The following SPTB variants were observed in gnomAD, a reference collection of about 807,000 sequenced individuals.
The protein encoded by SPTB is spectrin beta, erythrocytic, also known as spectrin beta chain, erythrocytic.
In SPTB, 45 loss-of-function variants were observed where a neutral mutation model predicts 256.2. That is an observed-to-expected ratio of 0.18 (90% CI 0.14 to 0.23). SPTB has a LOEUF of 0.23. SPTB is among the 10% of genes least tolerant of loss of function. The pLI is 1.00. For synonymous variants in SPTB, 1,231 were observed against 1,243.1 expected (o/e 0.99, Z 0.21); for missense variants, 2,715 against 3,040.4 (o/e 0.89, Z 2.52).
In SPTB at chr14:64,764,301, G is replaced by C. The variant is rs1168123459; in HGVS notation, c.6345+2425C>G. On this transcript the variant is annotated intron_variant, in intron 32 of 35. Coordinates refer to ENST00000644917, the MANE Select transcript of SPTB (RefSeq NM_001355436.2). The surrounding 1 kb of genome is among the most constrained non-coding windows in gnomAD (Gnocchi z 4.2). ...CTGTCCTCCTCTTTCTTGCATCGAA[G>C]GTGGATGGGGTATTAGGCCCTCCCT... 6.6e-6 allele frequency among the ~76,000 whole-genome samples: 1 copy of C among 152,234 alleles called. No individual in the cohort carries two copies. Among genetic ancestry groups the C allele is most frequent in the Non-Finnish European group, 1.5e-5 (1 of 68,034 alleles).
intron 24 of SPTB, 100 bp downstream of exon 24, chr14:64,774,297 A>T: frequency 1.4e-6 from 2 of 1,445,562 alleles, no homozygotes; most frequent in Non-Finnish European, 1.8e-6. Flanking sequence ...TGATGGGAAA[A>T]CTCTTTCCAT....
rs2082546286 is a variant in SPTB, at chr14:64,785,428, C to A, written c.3855+109G>T. 8 of 984,904 alleles carry A rather than the reference C, an allele frequency of 8.1e-6. No individual in the cohort carries two copies. Among genetic ancestry groups the A allele is most frequent in the Non-Finnish European group, 1.3e-5 (8 of 637,094 alleles). 61.0% of individuals were successfully genotyped at this position (984,904 alleles called of 1,614,324 possible). On this transcript the variant is annotated intron_variant, in intron 18 of 35. Coordinates refer to ENST00000644917, the MANE Select transcript of SPTB (RefSeq NM_001355436.2). The surrounding 1 kb of genome is among the most constrained non-coding windows in gnomAD (Gnocchi z 4.4). Reference sequence around the variant, plus strand: ...ACCCAGAGGTCCCCGCTCATGGAATCCCACAGCTCTTGAGCTAGAAAGGAT... The same window carrying A: ...ACCCAGAGGTCCCCGCTCATGGAATACCACAGCTCTTGAGCTAGAAAGGAT...
Position 64,749,745 on chromosome 14 carries a change from G to C in SPTB, c.6777-49C>G. ...TCATGGAGACACCTCTGGAGGGGGCGCTGGGCAGAGGGCTGGCTCTGATCC... is the reference window on the plus strand; with the variant it reads ...TCATGGAGACACCTCTGGAGGGGGCCCTGGGCAGAGGGCTGGCTCTGATCC... On this transcript the variant is annotated intron_variant, in intron 34 of 35. Transcript: ENST00000644917. This position sits in a 1 kb window ranked among gnomAD's most constrained non-coding sequence, Gnocchi z 4.7. 1 of 1,600,736 alleles carries C rather than the reference G, an allele frequency of 6.2e-7. No individual in the cohort carries two copies. The highest frequency in any genetic ancestry group is 8.5e-7 in the Non-Finnish European group (1 of 1,172,524).
chr14:64,803,103 C>A (rs954269878), intron 4 of SPTB, among the ~76,000 whole-genome samples: 1 of 152,124 alleles, frequency 6.6e-6, no homozygotes, highest in Non-Finnish European at 1.5e-5. Context: ...CCTCCTTGGG[C>A]AAGGTTCTTT....
rs150471537 is a variant in SPTB at position 64,784,333 on chromosome 14, G to A, written c.3916C>T (p.Arg1306Ter). Reference protein sequence around the residue: ...TSQDVSYDEARNLHNKWLKHQ... With the variant: ...TSQDVSYDEA ...TTTAGCCATTTATTGTGAAGGTTTC[G>A]TGCTTCATCATAGGAGACATCCTGA... The change falls in exon 19 of 36, where the codon CGA (arginine) becomes TGA (stop). Residue 1306 changes from arginine to a stop codon, truncating the protein, a stop_gained. Transcript: ENST00000644917. LOFTEE classifies it high-confidence loss of function. 1 of 1,614,234 alleles carries A rather than the reference G, an allele frequency of 6.2e-7. No individual in the cohort carries two copies. The highest frequency in any genetic ancestry group is 1.7e-5 in the Admixed American group (1 of 60,026).
chr14:64,795,247 G>A lies in SPTB; in HGVS notation c.1644+90C>T. 2.1e-6 allele frequency: 3 copies of A among 1,439,148 alleles called. No individual in the cohort carries two copies. The highest frequency in any genetic ancestry group is 2.9e-6 in the Non-Finnish European group (3 of 1,049,824). 89.1% of individuals were successfully genotyped at this position (1,439,148 alleles called of 1,614,324 possible). A position where few individuals can be genotyped will look rare whatever the true frequency, so the allele number is the denominator to read the frequency against. Reference sequence around the variant, plus strand: ...GACTCAGAGATATGACTGGCTGGGAGGTGTCTAAGGAAGCCTATGCTAACT... The same window carrying A: ...GACTCAGAGATATGACTGGCTGGGAAGTGTCTAAGGAAGCCTATGCTAACT... On this transcript the variant is annotated intron_variant, in intron 12 of 35. Coordinates refer to ENST00000644917, the MANE Select transcript of SPTB (RefSeq NM_001355436.2). This position sits in a 1 kb window ranked among gnomAD's most constrained non-coding sequence, Gnocchi z 6.5.
At chr14:64,846,771 A>G (rs916123714) in intron 1 of SPTB, among the ~76,000 whole-genome samples, 4 of 152,220 alleles carry the variant, frequency 2.6e-5, no homozygotes, top group Non-Finnish European at 4.4e-5. Context: ...GTCTAAATAT[A>G]TGTCAGAAAG....
At chr14:64,750,913 AAT>A (rs1033473499) in intron 33 of SPTB, among the ~76,000 whole-genome samples, 1 of 144,960 alleles carries the variant, frequency 6.9e-6, no homozygotes, top group African/African-American at 2.5e-5. Flanking sequence ...AAATATATAA[AAT>A]ATGTATATTA....
chr14:64,786,861 C>A lies in SPTB; in HGVS notation c.3104G>T (p.Arg1035Leu). 1 of 1,613,184 alleles carries A rather than the reference C, an allele frequency of 6.2e-7. No individual in the cohort carries two copies. The highest frequency in any genetic ancestry group is 8.5e-7 in the Non-Finnish European group (1 of 1,180,030). The change falls in exon 16 of 36, where the codon CGG becomes CTG. Residue 1035 changes from arginine (R) to leucine (L), a missense_variant. This residue lies in a region of SPTB where 2,239 missense variants were observed against 2,384.4 expected (regional missense o/e 0.94). Coordinates refer to ENST00000644917, the MANE Select transcript of SPTB (RefSeq NM_001355436.2). This position sits in a 1 kb window ranked among gnomAD's most constrained non-coding sequence, Gnocchi z 5.6. ...HPEQKEDIGQ[R>L]QKHLEELWQG... ...CCACAGCTCCTCCAAGTGTTTTTGC[C>A]GCTGACCAATATCCTCCTTCTGCTC...
intron 33 of SPTB, among the ~76,000 whole-genome samples, chr14:64,751,927 CA>C (rs374561563): frequency 0.022 from 1,613 of 71,846 alleles, 81 homozygotes; most frequent in African/African-American, 0.061. Flanking sequence ...ACTAAAAATG[CA>C]AAAAAAAAAA....
Position 64,796,653 on chromosome 14 carries a change from A to G in SPTB, c.1245T>C (p.Ile415=). ...CCAGTTGCTCTAGCTTCTCCTGCCG[A>G]ATGAGCTCATTTCTCAGGGCCAGCT... ...RRELALRNEL[I]RQEKLEQLAR... Residue 415 remains isoleucine (I), a synonymous_variant, in exon 11 of 36, where the codon ATT becomes ATC. Coordinates refer to ENST00000644917, the MANE Select transcript of SPTB (RefSeq NM_001355436.2). This position sits in a 1 kb window ranked among gnomAD's most constrained non-coding sequence, Gnocchi z 4.1. 2 of 1,614,166 alleles carry G rather than the reference A, an allele frequency of 1.2e-6. No homozygotes were observed. Among genetic ancestry groups the G allele is most frequent in the Non-Finnish European group, 1.7e-6 (2 of 1,180,024 alleles).
intron 20 of SPTB, among the ~76,000 whole-genome samples, chr14:64,780,370 C>G (rs980375302): frequency 6.6e-6 from 1 of 152,198 alleles, no homozygotes; most frequent in African/African-American, 2.4e-5. Context: ...AATGCTATTC[C>G]TATCAAACTA....
intron 9 of SPTB, among the ~76,000 whole-genome samples, chr14:64,799,366 C>T (rs2082837710): frequency 6.6e-6 from 1 of 152,238 alleles, no homozygotes; most frequent in African/African-American, 2.4e-5. Flanking sequence ...ATGCAGAGAG[C>T]TCAGGGGCTG....
rs572237215 is a variant in SPTB, at chr14:64,803,816, G to C, written c.301-36C>G. 4.4e-6 allele frequency: 7 copies of C among 1,573,684 alleles called. No individual in the cohort carries two copies. The Admixed American group carries it at 1.3e-4, about 29-fold the overall frequency. On this transcript the variant is annotated intron_variant, in intron 3 of 35. Coordinates refer to ENST00000644917, the MANE Select transcript of SPTB (RefSeq NM_001355436.2). The stretch of plus-strand genomic sequence containing the variant: ...GCAGTGGCCCCCGTGGGCATGGAGG[G>C]ACTGCACAGTCATCCCAGAGGCTGC...
At position 64,793,330 on chromosome 14, in the gene SPTB, G is replaced by A. The variant is rs371595430; in HGVS notation, c.2333C>T (p.Thr778Met). 105 of 1,609,740 alleles carry A rather than the reference G, an allele frequency of 6.5e-5. 2 individuals carry two copies. In the South Asian group the frequency reaches 1.1e-3, roughly 16 times the overall value. Residue 778 changes from threonine (T) to methionine (M), a missense_variant, in exon 14 of 36, where the codon ACG (threonine) becomes ATG (methionine). Physicochemically the swap from Thr to Met is moderately conservative, Grantham distance 81. This residue lies in a region of SPTB where 2,239 missense variants were observed against 2,384.4 expected (regional missense o/e 0.94). Coordinates refer to ENST00000644917, the MANE Select transcript of SPTB (RefSeq NM_001355436.2). The surrounding 1 kb of genome is among the most constrained non-coding windows in gnomAD (Gnocchi z 7.0). Reference protein sequence around the residue: ...GEDVGQDEGATRALGKKHKDF... With the variant: ...GEDVGQDEGAMRALGKKHKDF... ...CTTGTGCTTTTTCCCCAGGGCCCGC[G>A]TGGCCCCTTCGTCCTGCCCCACATC... is the stretch of plus-strand genomic sequence containing the variant.
intron 15 of SPTB, among the ~76,000 whole-genome samples, chr14:64,787,956 G>A (rs1014563244): frequency 3.9e-5 from 6 of 152,148 alleles, no homozygotes; most frequent in African/African-American, 9.7e-5. Context: ...TTCTCTAATC[G>A]AACCCATCTT....
At position 64,800,843 on chromosome 14, in the gene SPTB, C is replaced by T. The variant is rs1231472315; in HGVS notation, c.789G>A (p.Glu263=). ...CCACCACATAGGTGATGATGGATTT[C>T]TCATCAGGGTTTTCCGTAAAGACAT... ...PEDVFTENPD[E]KSIITYVVAF... Residue 263 remains glutamate, a synonymous_variant, in exon 8 of 36, where the codon GAG becomes GAA. Coordinates refer to ENST00000644917, the MANE Select transcript of SPTB (RefSeq NM_001355436.2). The T allele has an allele frequency of 3.0e-5, 49 of 1,613,988 alleles. No individual in the cohort carries two copies. Among genetic ancestry groups the T allele is most frequent in the Middle Eastern group, 1.6e-4 (1 of 6,084 alleles).
At chr14:64,805,908 T>A (rs151165) in intron 2 of SPTB, among the ~76,000 whole-genome samples, 70,727 of 151,936 alleles carry the variant, frequency 0.47, 17,628 homozygotes, top group African/African-American at 0.65. Context: ...TGTCTGCGGC[T>A]TTACGCTATC....
At chr14:64,846,960 C>T (rs756818145) in intron 1 of SPTB, among the ~76,000 whole-genome samples, 12 of 152,258 alleles carry the variant, frequency 7.9e-5, no homozygotes, top group South Asian at 4.1e-4. Flanking sequence ...ACCAGCAACA[C>T]GGCATCAAGC....
Sources: gnomAD v4.1 joint callset for allele counts (sites outside exome capture counted in the v4.1 genomes callset) on GRCh38, gnomAD v4.1.1 for gene constraint, gnomAD v4.1.1 regional missense constraint, Gnocchi (gnomAD v3.1) non-coding constraint, MANE v1.5 for transcripts, NCBI Gene and HGNC (gene_info 2026-07-23, HGNC 2026-07-21) for gene names.